EPHA3: variants seen among roughly 807,000 people sequenced by gnomAD.
The protein encoded by EPHA3 is EPH receptor A3.
EPHA3 carries 42 observed loss-of-function variants against 107.1 expected under a neutral mutation model. The observed-to-expected ratio is 0.39, with a 90% CI of 0.31 to 0.51. EPHA3 has a LOEUF of 0.51. Ranked by LOEUF, EPHA3 falls within the 20% of genes least tolerant of loss-of-function variation. The pLI, the probability that EPHA3 is intolerant of heterozygous loss-of-function variation, is 0.78. For missense variants in EPHA3, 1,183 were observed against 1,211.2 expected, an observed-to-expected ratio of 0.98 and a Z score of 0.35; for synonymous variants, 461 against 424.8, an observed-to-expected ratio of 1.09 and a Z score of -1.05.
intron 3 of EPHA3, among the ~76,000 whole-genome samples, chr3:89,287,311 C>A (rs755241538): frequency 1.3e-5 from 2 of 152,056 alleles, no homozygotes; most frequent in African/African-American, 2.4e-5. Flanking sequence ...ATACTAAATA[C>A]CTTGCCAAAG....
At chr3:89,162,066 G>A (rs1704959379) in intron 2 of EPHA3, among the ~76,000 whole-genome samples, 1 of 151,778 alleles carries the variant, frequency 6.6e-6, no homozygotes. Context: ...TCCAAGTGAG[G>A]TAATTCACTT....
chr3:89,154,750 T>C (rs954100740), intron 2 of EPHA3, among the ~76,000 whole-genome samples: 3 of 151,206 alleles, frequency 2.0e-5, no homozygotes, highest in Non-Finnish European at 3.0e-5. Context: ...TTTTAAAAGG[T>C]TGGAACTTTA....
At chr3:89,181,970 G>A (rs1231987298) in intron 2 of EPHA3, among the ~76,000 whole-genome samples, 1 of 151,608 alleles carries the variant, frequency 6.6e-6, no homozygotes, top group Non-Finnish European at 1.5e-5. Context: ...GCAACAGTGA[G>A]CACTTTAGAT....
intron 3 of EPHA3, among the ~76,000 whole-genome samples, chr3:89,328,775 C>G (rs1023203531): frequency 2.0e-5 from 3 of 152,150 alleles, no homozygotes; most frequent in Non-Finnish European, 4.4e-5. Flanking sequence ...ACCAGTCTCA[C>G]ATAATTGTTA....
At chr3:89,317,072 C>A (rs1240120400) in intron 3 of EPHA3, among the ~76,000 whole-genome samples, 1 of 151,752 alleles carries the variant, frequency 6.6e-6, no homozygotes, top group Admixed American at 6.6e-5. Context: ...TTTTTAAAAT[C>A]TACTTAACCA....
At chr3:89,189,484 T>C (rs992566120) in intron 2 of EPHA3, among the ~76,000 whole-genome samples, 1 of 152,112 alleles carries the variant, frequency 6.6e-6, no homozygotes, top group Non-Finnish European at 1.5e-5. Flanking sequence ...TCCCATCTAC[T>C]TGGGAGGCTG....
chr3:89,220,424 G>T (rs1206355297), intron 3 of EPHA3, among the ~76,000 whole-genome samples: 5 of 152,118 alleles, frequency 3.3e-5, no homozygotes, highest in Non-Finnish European at 7.4e-5. Flanking sequence ...CTGGGAGAAA[G>T]AAGAAAGATT....
At position 89,480,767 on chromosome 3, in the gene EPHA3, T is replaced by C. The variant is rs1710606678; in HGVS notation, c.*1265T>C. 4.3e-6 allele frequency: 1 copy of C among 232,848 alleles called. No individual in the cohort carries two copies. Among genetic ancestry groups the C allele is most frequent in the Non-Finnish European group, 8.5e-6 (1 of 117,514 alleles). The allele number at this position is 232,848 out of a possible 1,614,324, so 14.4% of individuals were successfully genotyped here. Reference sequence around the variant, plus strand: ...TAGGTGAATTAATTAAACATTGTGATCATTAGTACCAGGTATTATTATCTT... The same window carrying C: ...TAGGTGAATTAATTAAACATTGTGACCATTAGTACCAGGTATTATTATCTT... On this transcript the variant is annotated 3_prime_UTR_variant, in exon 17 of 17. Coordinates refer to ENST00000336596, the MANE Select transcript of EPHA3 (RefSeq NM_005233.6).
chr3:89,268,887 C>A (rs1324170597), intron 3 of EPHA3, among the ~76,000 whole-genome samples: 1 of 149,184 alleles, frequency 6.7e-6, no homozygotes, highest in African/African-American at 2.5e-5. Context: ...TATAATTTTT[C>A]TTATTTATAA....
At chr3:89,245,215 T>A (rs1705003588) in intron 3 of EPHA3, among the ~76,000 whole-genome samples, 1 of 152,222 alleles carries the variant, frequency 6.6e-6, no homozygotes, top group African/African-American at 2.4e-5. Flanking sequence ...ACTCTTTATG[T>A]CCTTATTTTA....
chr3:89,413,284 A>G lies in EPHA3; in HGVS notation c.1888+18A>G. The G allele has an allele frequency of 1.9e-6, 3 of 1,611,112 alleles. No individual in the cohort carries two copies. Among genetic ancestry groups the G allele is most frequent in the Non-Finnish European group, 2.5e-6 (3 of 1,177,836 alleles). On this transcript the variant is annotated intron_variant, in intron 10 of 16. Transcript: ENST00000336596. ...TGGAGCAGGTAACCACAATGACCCT[A>G]CTGCCAACTTAGTACTGTATGTGAA...
chr3:89,266,986 TTA>T (rs1491548532), intron 3 of EPHA3, among the ~76,000 whole-genome samples: 2 of 152,108 alleles, frequency 1.3e-5, no homozygotes, highest in African/African-American at 4.8e-5. Context: ...TAGTATTTCA[TTA>T]AAAAAATGAA....
chr3:89,383,955 C>A (rs936764922), intron 5 of EPHA3, among the ~76,000 whole-genome samples: 1 of 151,928 alleles, frequency 6.6e-6, no homozygotes, highest in Non-Finnish European at 1.5e-5. Context: ...GCCAGTCAGC[C>A]AATTTCTAAT....
Position 89,480,984 on chromosome 3 carries a change from T to C in EPHA3, c.*1482T>C. The C allele has an allele frequency of 4.3e-6, 1 of 231,930 alleles. No individual in the cohort carries two copies. The highest frequency in any genetic ancestry group is 2.2e-5 in the African/African-American group (1 of 45,406). 14.4% of individuals were successfully genotyped at this position (231,930 alleles called of 1,614,324 possible). A position where few individuals can be genotyped will look rare whatever the true frequency, so the allele number is the denominator to read the frequency against. ...CTTACTATTACATAAAGGCTAACTATGAGCTTGCTCATTAATTTTGAAAAG... is the reference window on the plus strand; with the variant it reads ...CTTACTATTACATAAAGGCTAACTACGAGCTTGCTCATTAATTTTGAAAAG... On this transcript the variant is annotated 3_prime_UTR_variant, in exon 17 of 17. Coordinates refer to ENST00000336596, the MANE Select transcript of EPHA3 (RefSeq NM_005233.6).
chr3:89,230,472 GTTT>G (rs986294996), intron 3 of EPHA3, among the ~76,000 whole-genome samples: 1 of 152,034 alleles, frequency 6.6e-6, no homozygotes, highest in African/African-American at 2.4e-5. Flanking sequence ...GCTGTGGAAT[GTTT>G]TTAAGTAGAG....
chr3:89,440,889 G>C (rs1436462874), intron 13 of EPHA3, among the ~76,000 whole-genome samples: 1 of 152,186 alleles, frequency 6.6e-6, no homozygotes, highest in African/African-American at 2.4e-5. Flanking sequence ...TCCAAAGTTA[G>C]TCTTTCTTTA....
intron 3 of EPHA3, among the ~76,000 whole-genome samples, chr3:89,306,362 A>G (rs1271424313): frequency 6.6e-6 from 1 of 152,136 alleles, no homozygotes; most frequent in African/African-American, 2.4e-5. Flanking sequence ...TCACCTCAAG[A>G]CAAGATAATT....
At chr3:89,169,663 C>G (rs1216817157) in intron 2 of EPHA3, among the ~76,000 whole-genome samples, 2 of 152,052 alleles carry the variant, frequency 1.3e-5, no homozygotes, top group African/African-American at 4.8e-5. Flanking sequence ...TGCCTATGAC[C>G]TTGAAAAAGC....
intron 3 of EPHA3, among the ~76,000 whole-genome samples, chr3:89,252,578 A>T (rs549673063): frequency 6.6e-6 from 1 of 152,152 alleles, no homozygotes; most frequent in African/African-American, 2.4e-5. Context: ...AAAATTTAAA[A>T]AATTAGTCAG....
Sources: allele counts gnomAD v4.1 joint callset (sites outside exome capture counted in the v4.1 genomes callset), GRCh38; gene constraint gnomAD v4.1.1; transcripts MANE v1.5; gene names NCBI Gene and HGNC (gene_info 2026-07-23, HGNC 2026-07-21).